The following GALNT13 variants were observed in gnomAD, a reference collection of about 807,000 sequenced individuals.
The protein encoded by GALNT13 is polypeptide N-acetylgalactosaminyltransferase 13, also known as UDP-GalNAc:polypeptide N-acetylgalactosaminyltransferase 13.
Under a neutral mutation model 64.2 loss-of-function variants are expected in GALNT13, and 28 were observed. The observed-to-expected ratio is 0.44, with a 90% CI of 0.32 to 0.60. The LOEUF is 0.60. Among genes scored for constraint, GALNT13 ranks in the 20% least tolerant of loss-of-function variants. GALNT13 has a pLI of 0.05. For synonymous variants in GALNT13, 214 were observed against 224.6 expected, an observed-to-expected ratio of 0.95 and a Z score of 0.42; for missense variants, 577 against 669.8, an observed-to-expected ratio of 0.86 and a Z score of 1.53.
At chr2:154,110,275 TAGG>T (rs1702864704) in intron 3 of GALNT13, among the ~76,000 whole-genome samples, 1 of 54,630 alleles carries the variant, frequency 1.8e-5, no homozygotes, top group African/African-American at 9.0e-5. Context: ...ACAGAACTAA[TAGG>T]ATATATATAT....
the GALNT13 span, among the ~76,000 whole-genome samples, chr2:153,110,058 A>G: frequency 6.6e-6 from 1 of 152,260 alleles, no homozygotes; most frequent in Admixed American, 6.6e-5. Context: ...CATTTTCAAC[A>G]GATGGTTTTA....
the GALNT13 span, among the ~76,000 whole-genome samples, chr2:153,076,435 G>A: frequency 1.3e-5 from 2 of 152,014 alleles, no homozygotes; most frequent in African/African-American, 4.8e-5. Context: ...GTTGTTCAAT[G>A]TTTCTGTGCC....
intron 3 of GALNT13, among the ~76,000 whole-genome samples, chr2:154,036,230 T>G (rs1167703634): frequency 6.6e-6 from 1 of 152,116 alleles, no homozygotes; most frequent in Non-Finnish European, 1.5e-5. Context: ...GTGAGAGTAT[T>G]TCAAATTATA....
At chr2:154,313,865 C>G (rs1482601335) in intron 9 of GALNT13, among the ~76,000 whole-genome samples, 1 of 146,342 alleles carries the variant, frequency 6.8e-6, no homozygotes, top group Non-Finnish European at 1.5e-5. Flanking sequence ...TACCTCTAGT[C>G]TAATCATTTT....
chr2:154,094,681 A>C (rs1701988786), intron 3 of GALNT13, among the ~76,000 whole-genome samples: 1 of 151,974 alleles, frequency 6.6e-6, no homozygotes, highest in Non-Finnish European at 1.5e-5. Flanking sequence ...CATACATAAT[A>C]TTTAATTGGC....
At chr2:154,411,719 T>C (rs1036060289) in intron 11 of GALNT13, among the ~76,000 whole-genome samples, 2 of 151,796 alleles carry the variant, frequency 1.3e-5, no homozygotes, top group African/African-American at 4.8e-5. Context: ...GAAATTTTCC[T>C]TTTTACCGCA....
the GALNT13 span, among the ~76,000 whole-genome samples, chr2:153,301,335 C>T: frequency 1.6e-5 from 1 of 63,826 alleles, no homozygotes; most frequent in Non-Finnish European, 3.4e-5. Flanking sequence ...AAAAAAGAGT[C>T]TGCAGAACTC....
the GALNT13 span, among the ~76,000 whole-genome samples, chr2:153,413,210 G>A: frequency 1.3e-5 from 2 of 152,176 alleles, no homozygotes; most frequent in Admixed American, 1.3e-4. Context: ...TTTGCTTCCC[G>A]TATCCTATCT....
At chr2:154,398,122 T>G (rs538373984) in intron 10 of GALNT13, among the ~76,000 whole-genome samples, 2 of 152,358 alleles carry the variant, frequency 1.3e-5, no homozygotes, top group Non-Finnish European at 2.9e-5. Flanking sequence ...TATTGAAAAT[T>G]TGTTTGAACA....
At chr2:154,321,742 TAAG>T (rs1006171131) in intron 9 of GALNT13, among the ~76,000 whole-genome samples, 27 of 151,990 alleles carry the variant, frequency 1.8e-4, no homozygotes, top group African/African-American at 6.5e-4. Flanking sequence ...CTGGAGAAAA[TAAG>T]GAAGCACTGG....
the GALNT13 span, among the ~76,000 whole-genome samples, chr2:153,251,382 C>T: frequency 6.6e-6 from 1 of 152,156 alleles, no homozygotes; most frequent in African/African-American, 2.4e-5. Flanking sequence ...CATCCATAGA[C>T]AATTGTCGTC....
intron 4 of GALNT13, among the ~76,000 whole-genome samples, chr2:154,234,749 C>T (rs373977133): frequency 1.3e-5 from 2 of 151,964 alleles, no homozygotes; most frequent in African/African-American, 2.4e-5. Flanking sequence ...CAATATGACT[C>T]CTCATTGCAA....
the GALNT13 span, among the ~76,000 whole-genome samples, chr2:153,461,655 C>T: frequency 4.6e-5 from 7 of 152,204 alleles, no homozygotes; most frequent in African/African-American, 1.4e-4. Context: ...GATCATAATA[C>T]ATCTCCTCTG....
At chr2:153,693,737 C>T in the GALNT13 span, among the ~76,000 whole-genome samples, 3 of 152,172 alleles carry the variant, frequency 2.0e-5, no homozygotes, top group African/African-American at 4.8e-5. Context: ...AGTGAATCCA[C>T]ATTTTACATG....
chr2:154,253,841 ATTTG>A (rs550050572), intron 7 of GALNT13, among the ~76,000 whole-genome samples: 269 of 152,328 alleles, frequency 1.8e-3, no homozygotes, highest in African/African-American at 6.3e-3. Context: ...TACATTACTC[ATTTG>A]TTTGTTATTC....
At chr2:154,065,192 G>A (rs576215915) in intron 3 of GALNT13, among the ~76,000 whole-genome samples, 2 of 152,176 alleles carry the variant, frequency 1.3e-5, no homozygotes, top group South Asian at 4.2e-4. Flanking sequence ...TTGTGGTTTG[G>A]GTGCCAGCTC....
intron 9 of GALNT13, among the ~76,000 whole-genome samples, chr2:154,311,266 G>C (rs938449134): frequency 6.6e-6 from 1 of 151,994 alleles, no homozygotes; most frequent in Non-Finnish European, 1.5e-5. Flanking sequence ...GTCCTGCCCC[G>C]ATAATCACGT....
At chr2:153,409,912 G>T in the GALNT13 span, among the ~76,000 whole-genome samples, 1 of 152,148 alleles carries the variant, frequency 6.6e-6, no homozygotes, top group African/African-American at 2.4e-5. Flanking sequence ...TCCAGACCTG[G>T]TTATATCTTG....
the GALNT13 span, among the ~76,000 whole-genome samples, chr2:153,847,223 A>C: frequency 6.6e-6 from 1 of 152,068 alleles, no homozygotes; most frequent in African/African-American, 2.4e-5. Flanking sequence ...AATGCATCTA[A>C]TATTACCTTC....
Sources: gnomAD v4.1 joint callset for allele counts (sites outside exome capture counted in the v4.1 genomes callset) on GRCh38, gnomAD v4.1.1 for gene constraint, MANE v1.5 for transcripts, NCBI Gene and HGNC (gene_info 2026-07-23, HGNC 2026-07-21) for gene names.